SOX6: variants seen among roughly 807,000 people sequenced by gnomAD.
The protein encoded by SOX6 is transcription factor SOX-6.
In SOX6, 11 loss-of-function variants were observed where a neutral mutation model predicts 97.8. The ratio of observed to expected loss-of-function variants is 0.11; its 90% CI spans 0.07 to 0.19. The LOEUF is 0.19. Among genes scored for constraint, SOX6 ranks in the 10% least tolerant of loss-of-function variants. SOX6 has a pLI of 1.00. For synonymous variants in SOX6, 360 were observed against 371.4 expected, an observed-to-expected ratio of 0.97 and a Z score of 0.35; for missense variants, 810 against 1,039.5, an observed-to-expected ratio of 0.78 and a Z score of 3.04.
At chr11:16,015,202 T>C in intron 12 of SOX6, 152 bp from the exon 13 acceptor site, 5 of 718,496 alleles carry the variant, frequency 7.0e-6, no homozygotes, top group Middle Eastern at 3.3e-4. Flanking sequence ...AAGATTCCGT[T>C]GAAAGCTGTT....
At chr11:16,174,778 AAC>A (rs1851139726) in intron 6 of SOX6, among the ~76,000 whole-genome samples, 1 of 151,924 alleles carries the variant, frequency 6.6e-6, no homozygotes, top group Non-Finnish European at 1.5e-5. Flanking sequence ...GTGCAGCTAA[AAC>A]ACATAATTTC....
At chr11:16,215,067 C>A (rs1236499196) in intron 4 of SOX6, among the ~76,000 whole-genome samples, 1 of 151,962 alleles carries the variant, frequency 6.6e-6, no homozygotes, top group Admixed American at 6.6e-5. Flanking sequence ...TTAAGTAGAA[C>A]CTGTTTAAGA....
chr11:15,991,365 T>C (rs1178261859), intron 13 of SOX6, among the ~76,000 whole-genome samples: 12 of 152,222 alleles, frequency 7.9e-5, no homozygotes, highest in Admixed American at 7.9e-4. Context: ...CAGGGCAATA[T>C]GCTGACTGCT....
intron 4 of SOX6, among the ~76,000 whole-genome samples, chr11:16,510,469 G>A (rs1214424922): frequency 6.6e-6 from 1 of 151,686 alleles, no homozygotes; most frequent in East Asian, 1.9e-4. Flanking sequence ...GCCTCTTAAG[G>A]GTTATTTTCT....
intron 4 of SOX6, among the ~76,000 whole-genome samples, chr11:16,604,505 C>A (rs1045918523): frequency 6.6e-6 from 1 of 152,194 alleles, no homozygotes; most frequent in Non-Finnish European, 1.5e-5. Flanking sequence ...AGGGCCAAAG[C>A]CCGGCCGCAG....
rs563891659 is a variant in SOX6 at position 16,013,632 on chromosome 11, CCCCT to C, written c.1732+1306_1732+1309del. On this transcript the variant is annotated intron_variant, in intron 13 of 15. Coordinates refer to ENST00000683767, the MANE Select transcript of SOX6 (RefSeq NM_001367873.1). ...TCCTTTCCTTCCTTTCTCTTCTCTT[CCCCT>C]CCCTCCCTCCCTCTTTACTCCCATA... Among the ~76,000 whole-genome samples, 151 of 151,690 alleles carry C rather than the reference CCCCT, an allele frequency of 1.0e-3. 2 individuals are homozygous for C. The highest frequency in any genetic ancestry group is 1.6e-3 in the Non-Finnish European group (106 of 67,826).
intron 4 of SOX6, among the ~76,000 whole-genome samples, chr11:16,584,569 G>A (rs143009402): frequency 2.0e-5 from 3 of 152,280 alleles, no homozygotes; most frequent in African/African-American, 4.8e-5. Context: ...TAGGAAAACA[G>A]TATGGAATGA....
chr11:16,486,815 T>C (rs750854856), intron 4 of SOX6, among the ~76,000 whole-genome samples: 31 of 152,156 alleles, frequency 2.0e-4, no homozygotes, highest in Non-Finnish European at 4.1e-4. Flanking sequence ...GCCACTGCAC[T>C]CTGGCCTGGG....
intron 2 of SOX6, among the ~76,000 whole-genome samples, chr11:16,716,584 A>C (rs1156581888): frequency 6.6e-6 from 1 of 152,184 alleles, no homozygotes; most frequent in Non-Finnish European, 1.5e-5. Flanking sequence ...ATCTACTCCT[A>C]AGCATATCCC....
At chr11:16,734,126 T>G (rs1307557713) in intron 2 of SOX6, among the ~76,000 whole-genome samples, 1 of 152,174 alleles carries the variant, frequency 6.6e-6, no homozygotes, top group African/African-American at 2.4e-5. Flanking sequence ...CCTTTTTCAT[T>G]TAAGTTCCTA....
intron 3 of SOX6, among the ~76,000 whole-genome samples, chr11:16,630,990 T>A (rs1336787576): frequency 6.6e-6 from 1 of 152,146 alleles, no homozygotes; most frequent in East Asian, 1.9e-4. Context: ...ATGTGTGAGA[T>A]GGGTGTCTTC....
chr11:16,140,964 A>G (rs1323122241), intron 6 of SOX6, among the ~76,000 whole-genome samples: 4 of 152,176 alleles, frequency 2.6e-5, no homozygotes, highest in African/African-American at 9.7e-5. Flanking sequence ...CAGACCACAA[A>G]TCAGCTGGGT....
At chr11:16,146,170 C>A (rs1346251128) in intron 6 of SOX6, among the ~76,000 whole-genome samples, 1 of 152,122 alleles carries the variant, frequency 6.6e-6, no homozygotes, top group African/African-American at 2.4e-5. Flanking sequence ...ACCAATGGAA[C>A]AGAACAGAGC....
intron 4 of SOX6, among the ~76,000 whole-genome samples, chr11:16,541,130 A>T (rs1465878767): frequency 1.3e-5 from 2 of 152,240 alleles, no homozygotes; most frequent in Non-Finnish European, 2.9e-5. Context: ...AGAGATATAG[A>T]TCAATGGAAC....
At chr11:16,390,372 G>A (rs1858135067) in intron 1 of SOX6, among the ~76,000 whole-genome samples, 2 of 152,118 alleles carry the variant, frequency 1.3e-5, no homozygotes, top group South Asian at 4.1e-4. Context: ...TCAAGATTTA[G>A]TCTGTTTCAA....
intron 9 of SOX6, among the ~76,000 whole-genome samples, chr11:16,063,756 C>A (rs992310613): frequency 2.0e-5 from 3 of 150,098 alleles, no homozygotes; most frequent in African/African-American, 7.3e-5. Flanking sequence ...AGGCACTGGG[C>A]TGGATATTTT....
chr11:15,992,105 G>C (rs535712035), intron 13 of SOX6, among the ~76,000 whole-genome samples: 1 of 152,258 alleles, frequency 6.6e-6, no homozygotes, highest in African/African-American at 2.4e-5. Context: ...ACAGTGCACA[G>C]AACAAAAACA....
intron 3 of SOX6, among the ~76,000 whole-genome samples, chr11:16,275,285 C>CAAAAA (rs869208945): frequency 1.6e-5 from 2 of 123,062 alleles, no homozygotes; most frequent in Non-Finnish European, 3.3e-5. Context: ...ACCAAAAATA[C>CAAAAA]AAAAAAAAAA....
rs1043536106 is a variant in SOX6, at chr11:16,057,218, T to C, written c.1102-1317A>G. Among the ~76,000 whole-genome samples, 7 of 152,274 alleles carry C rather than the reference T, an allele frequency of 4.6e-5. No individual in the cohort carries two copies. In the South Asian group the frequency reaches 1.5e-3, roughly 32 times the overall value. On this transcript the variant is annotated intron_variant, in intron 9 of 15. Coordinates refer to ENST00000683767, the MANE Select transcript of SOX6 (RefSeq NM_001367873.1). Reference sequence around the variant, plus strand: ...TCACTTTCCTACATTGAACCCCACATGTGCTCCCATGCTTCTCTCTCCAAT... The same window carrying C: ...TCACTTTCCTACATTGAACCCCACACGTGCTCCCATGCTTCTCTCTCCAAT...
Sources: allele counts gnomAD v4.1 joint callset (sites outside exome capture counted in the v4.1 genomes callset), GRCh38; gene constraint gnomAD v4.1.1; transcripts MANE v1.5; gene names NCBI Gene and HGNC (gene_info 2026-07-23, HGNC 2026-07-21).